The following TENM4 variants were observed in gnomAD, a reference collection of about 807,000 sequenced individuals.
TENM4 encodes teneurin transmembrane protein 4.
A neutral mutation model predicts 243.3 loss-of-function variants in TENM4; 82 were observed. The observed-to-expected ratio is 0.34, with a 90% CI of 0.28 to 0.40. The LOEUF is 0.40. TENM4 is among the 10% of genes least tolerant of loss of function. The probability of loss-of-function intolerance (pLI) is 1.00; values close to 1 mark genes in which losing one functional copy is unlikely to be tolerated. For synonymous variants in TENM4, 1,412 were observed against 1,456.3 expected, an observed-to-expected ratio of 0.97 and a Z score of 0.69; for missense variants, 3,138 against 3,673.3, an observed-to-expected ratio of 0.85 and a Z score of 3.77.
At chr11:78,736,181 G>A (rs1002152847) in intron 20 of TENM4, among the ~76,000 whole-genome samples, 2 of 151,826 alleles carry the variant, frequency 1.3e-5, no homozygotes, top group African/African-American at 2.4e-5. Flanking sequence ...GGTCTTGAAC[G>A]CCCAGGCTGG....
At chr11:79,290,133 A>G (rs908597206) in intron 2 of TENM4, among the ~76,000 whole-genome samples, 6 of 152,144 alleles carry the variant, frequency 3.9e-5, no homozygotes, top group African/African-American at 1.2e-4. Flanking sequence ...TCTCTAATCT[A>G]TAAATGATGG....
At chr11:79,033,546 G>A (rs1859302002) in intron 6 of TENM4, among the ~76,000 whole-genome samples, 1 of 152,194 alleles carries the variant, frequency 6.6e-6, no homozygotes, top group Non-Finnish European at 1.5e-5. Context: ...GGGATTACAT[G>A]GTGCCAAAGC....
Position 79,020,122 on chromosome 11 carries a change from G to A in TENM4, c.493+44616C>T, listed in dbSNP as rs186406715. 2.2e-3 allele frequency among the ~76,000 whole-genome samples: 330 copies of A among 152,180 alleles called. 1 individual carries two copies. The highest frequency in any genetic ancestry group is 7.2e-3 in the African/African-American group (297 of 41,512). ...ATAGAACAGATCAACAATGGCTCTC[G>A]CTCAGGGTAAAACAAAGCTTCTTGT... is the stretch of plus-strand genomic sequence containing the variant. On this transcript the variant is annotated intron_variant, in intron 6 of 33. Coordinates refer to ENST00000278550, the MANE Select transcript of TENM4 (RefSeq NM_001098816.3).
intron 6 of TENM4, among the ~76,000 whole-genome samples, chr11:78,972,400 C>T (rs375479646): frequency 3.3e-5 from 5 of 152,188 alleles, no homozygotes; most frequent in South Asian, 4.2e-4. Flanking sequence ...AAAAACAGGA[C>T]GCAGTAAATT....
Position 78,656,497 on chromosome 11 carries a change from C to T in TENM4, c.*1561G>A, listed in dbSNP as rs1459164735. The T allele has an allele frequency of 6.6e-6, 1 of 152,638 alleles. No individual in the cohort carries two copies. The highest frequency in any genetic ancestry group is 6.5e-5 in the Admixed American group (1 of 15,280). The allele number at this position is 152,638 out of a possible 1,614,324, so 9.5% of individuals were successfully genotyped here. ...CTCTGGCTGTGACTCCCCCTGCCCTCACTGCTCCCCCAGCCTGCTGGCTGC... is the reference window on the plus strand; with the variant it reads ...CTCTGGCTGTGACTCCCCCTGCCCTTACTGCTCCCCCAGCCTGCTGGCTGC... On this transcript the variant is annotated 3_prime_UTR_variant, in exon 34 of 34. Coordinates refer to ENST00000278550, the MANE Select transcript of TENM4 (RefSeq NM_001098816.3).
intron 1 of TENM4, among the ~76,000 whole-genome samples, chr11:79,339,430 T>C (rs557814936): frequency 6.6e-6 from 1 of 152,296 alleles, no homozygotes; most frequent in Admixed American, 6.5e-5. Flanking sequence ...TTGGTTGCAG[T>C]TCTGCATCCT....
At chr11:79,209,768 T>C (rs624479) in intron 3 of TENM4, among the ~76,000 whole-genome samples, 130,364 of 152,230 alleles carry the variant, frequency 0.86, 56,043 homozygotes, top group Middle Eastern at 0.94. Flanking sequence ...GGCACCCTGC[T>C]AGAACCAGCC....
chr11:78,805,519 G>C, intron 14 of TENM4, 27 bp from the exon 15 acceptor site: 4 of 1,554,564 alleles, frequency 2.6e-6, no homozygotes, highest in Non-Finnish European at 3.5e-6. Context: ...GGAGAACATA[G>C]GTAAGCATCT....
At chr11:79,409,739 A>T (rs1003797072) in intron 1 of TENM4, among the ~76,000 whole-genome samples, 2 of 152,172 alleles carry the variant, frequency 1.3e-5, no homozygotes, top group African/African-American at 4.8e-5. Context: ...CTCAAGTCAG[A>T]CACATATTTC....
chr11:78,968,015 A>T (rs1221523341), intron 6 of TENM4, among the ~76,000 whole-genome samples: 1 of 152,228 alleles, frequency 6.6e-6, no homozygotes, highest in African/African-American at 2.4e-5. Flanking sequence ...GTTGGATCAC[A>T]TGGGTGGATC....
chr11:79,423,183 C>A (rs150095420), intron 1 of TENM4, among the ~76,000 whole-genome samples: 229 of 152,338 alleles, frequency 1.5e-3, no homozygotes, highest in African/African-American at 5.2e-3. Flanking sequence ...AAGATTCCAA[C>A]TGGAGAGGTA....
intron 22 of TENM4, among the ~76,000 whole-genome samples, chr11:78,727,869 G>GA (rs1855553410): frequency 6.6e-6 from 1 of 152,206 alleles, no homozygotes; most frequent in Admixed American, 6.5e-5. Flanking sequence ...TTCAAGACAG[G>GA]AATTAACAAC....
chr11:78,721,553 A>G (rs1034823413), intron 24 of TENM4, among the ~76,000 whole-genome samples: 2 of 152,220 alleles, frequency 1.3e-5, no homozygotes, highest in Non-Finnish European at 2.9e-5. Context: ...ATTCGGGTCC[A>G]CCATTCTAGA....
At chr11:79,379,620 A>G (rs1857961427) in intron 1 of TENM4, among the ~76,000 whole-genome samples, 1 of 152,198 alleles carries the variant, frequency 6.6e-6, no homozygotes, top group Non-Finnish European at 1.5e-5. Context: ...GCTCCTTCTG[A>G]CAGCCATATG....
At chr11:79,076,308 G>A (rs7927620) in intron 4 of TENM4, 7,457 of 152,310 alleles carry the variant, frequency 0.049, 267 homozygotes, top group East Asian at 0.18. Context: ...TTGTTTTCAC[G>A]CTACTGATAA....
intron 3 of TENM4, among the ~76,000 whole-genome samples, chr11:79,164,090 T>TA (rs1565230862): frequency 1.1e-4 from 13 of 114,144 alleles, no homozygotes; most frequent in East Asian, 9.2e-4. Flanking sequence ...ATATATACTA[T>TA]GTATATATAG....
chr11:79,175,040 T>C (rs948010587), intron 3 of TENM4, among the ~76,000 whole-genome samples: 1 of 152,236 alleles, frequency 6.6e-6, no homozygotes, highest in African/African-American at 2.4e-5. Context: ...TTTATTTGAC[T>C]TCAAATAGAG....
intron 4 of TENM4, among the ~76,000 whole-genome samples, chr11:79,139,785 T>TATTTATATAAATATATAATATATATTA (rs762316039): frequency 5.2e-5 from 1 of 19,070 alleles, no homozygotes; most frequent in African/African-American, 2.4e-4. Context: ...ATAATATATA[T>TATTTATATAAATATATAATATATATTA]TATATTTATA....
chr11:79,310,533 G>A (rs945132749), intron 1 of TENM4, among the ~76,000 whole-genome samples: 3 of 152,190 alleles, frequency 2.0e-5, no homozygotes, highest in African/African-American at 7.2e-5. Flanking sequence ...TTTTAGAGGT[G>A]GCTGAATAAC....
Sources: allele counts gnomAD v4.1 joint callset (sites outside exome capture counted in the v4.1 genomes callset), GRCh38; gene constraint gnomAD v4.1.1; transcripts MANE v1.5; gene names NCBI Gene and HGNC (gene_info 2026-07-23, HGNC 2026-07-21).